The following SMIM13 variants were observed in gnomAD, a reference collection of about 807,000 sequenced individuals.
SMIM13 encodes the protein small integral membrane protein 13.
SMIM13 carries 3 observed loss-of-function variants against 5.9 expected under a neutral mutation model. That is an observed-to-expected ratio of 0.51 (90% CI 0.23 to 1.31). SMIM13 has a LOEUF of 1.31. SMIM13 is among the 40% of genes most tolerant of loss of function. SMIM13 has a pLI of 0.18. For missense variants in SMIM13, 85 were observed against 109.9 expected, an observed-to-expected ratio of 0.77 and a Z score of 1.01; for synonymous variants, 55 against 46.0, an observed-to-expected ratio of 1.19 and a Z score of -0.79.
chr6:11,105,123 C>T lies in SMIM13; in HGVS notation c.76+10734C>T. 1.2e-6 allele frequency: 2 copies of T among 1,614,198 alleles called. No individual in the cohort carries two copies. The highest frequency in any genetic ancestry group is 8.5e-7 in the Non-Finnish European group (1 of 1,180,032). On this transcript the variant is annotated intron_variant, in intron 1 of 1. Coordinates refer to ENST00000416247, the MANE Select transcript of SMIM13 (RefSeq NM_001135575.2). ...TTCCGCCTCTATGCTTGTCCATTCT[C>T]TGGGCGAGGCTGGATAAGCTGTCCC...
chr6:11,118,385 T>C (rs1758268260), intron 1 of SMIM13, among the ~76,000 whole-genome samples: 1 of 152,298 alleles, frequency 6.6e-6, no homozygotes, highest in South Asian at 2.1e-4. Context: ...AATGAATCAA[T>C]TGGTCAAATT....
At chr6:11,134,045 A>C (rs1287772298) in intron 1 of SMIM13, among the ~76,000 whole-genome samples, 1 of 152,114 alleles carries the variant, frequency 6.6e-6, no homozygotes, top group Non-Finnish European at 1.5e-5. Flanking sequence ...CCGAGATATG[A>C]AAGTCCAAGT....
chr6:11,117,244 A>G (rs1202977038), intron 1 of SMIM13, among the ~76,000 whole-genome samples: 2 of 145,368 alleles, frequency 1.4e-5, no homozygotes, highest in East Asian at 3.9e-4. Flanking sequence ...GCTCACTGCA[A>G]GCTCTGCCTC....
chr6:11,128,061 C>T (rs963843977), intron 1 of SMIM13, among the ~76,000 whole-genome samples: 10 of 152,250 alleles, frequency 6.6e-5, no homozygotes, highest in Admixed American at 6.5e-4. Context: ...TCTCTTTACT[C>T]TTTTCTCTCC....
intron 1 of SMIM13, chr6:11,103,754 C>T (rs756385693): frequency 6.4e-7 from 1 of 1,551,494 alleles, no homozygotes; most frequent in Admixed American, 2.0e-5. Context: ...TCGTCTGGAG[C>T]TTTATGGCCT....
At chr6:11,102,870 T>G (rs61185321) in intron 1 of SMIM13, 32,841 of 152,140 alleles carry the variant, frequency 0.22, 3,897 homozygotes, top group African/African-American at 0.31. Context: ...GCAAGTTTTA[T>G]AGCAGGAGTA....
At chr6:11,132,551 C>T (rs1315686590) in intron 1 of SMIM13, among the ~76,000 whole-genome samples, 5 of 152,080 alleles carry the variant, frequency 3.3e-5, no homozygotes, top group Non-Finnish European at 7.4e-5. Flanking sequence ...AATCCTTAAA[C>T]AGAATGTAAT....
At chr6:11,126,269 C>CA (rs1462592896) in intron 1 of SMIM13, among the ~76,000 whole-genome samples, 1 of 152,172 alleles carries the variant, frequency 6.6e-6, no homozygotes, top group Non-Finnish European at 1.5e-5. Flanking sequence ...AGGCTGGTCT[C>CA]AAACTCCTGA....
chr6:11,130,804 T>TA (rs1758443051), intron 1 of SMIM13, among the ~76,000 whole-genome samples: 2 of 152,178 alleles, frequency 1.3e-5, no homozygotes, highest in Non-Finnish European at 1.5e-5. Flanking sequence ...CTGAGAGACT[T>TA]ACTCTTTCTT....
chr6:11,127,666 A>G (rs1758394732), intron 1 of SMIM13, among the ~76,000 whole-genome samples: 1 of 152,180 alleles, frequency 6.6e-6, no homozygotes. Context: ...CTCTGATAAA[A>G]CCATCAGATC....
chr6:11,134,536 A>G lies in SMIM13; in HGVS notation c.210A>G (p.Pro70=). The G allele has an allele frequency of 6.4e-7, 1 of 1,550,920 alleles. No homozygotes were observed. The highest frequency in any genetic ancestry group is 8.7e-7 in the Non-Finnish European group (1 of 1,146,488). Residue 70 remains proline (P), a synonymous_variant, in exon 2 of 2, where the codon CCA becomes CCG. Transcript: ENST00000416247. Reference sequence around the variant, plus strand: ...CTGAAGAAGACACTTCCTCCTCTCCACACAGAATCAGATCCGCTCGCCAAA... The same window carrying G: ...CTGAAGAAGACACTTCCTCCTCTCCGCACAGAATCAGATCCGCTCGCCAAA... ...SETEEDTSSS[P]HRIRSARQRR...
chr6:11,123,269 A>C (rs1030027374), intron 1 of SMIM13, among the ~76,000 whole-genome samples: 9 of 152,206 alleles, frequency 5.9e-5, no homozygotes, highest in Admixed American at 2.0e-4. Context: ...GATAATGCTG[A>C]GCAAATGACC....
intron 1 of SMIM13, chr6:11,102,641 G>A (rs893871258): frequency 6.6e-6 from 1 of 152,252 alleles, no homozygotes; most frequent in African/African-American, 2.4e-5. Flanking sequence ...GGTTAAAGTT[G>A]AAAGGACCTA....
At chr6:11,127,721 G>A (rs970644649) in intron 1 of SMIM13, among the ~76,000 whole-genome samples, 1 of 152,158 alleles carries the variant, frequency 6.6e-6, no homozygotes, top group Non-Finnish European at 1.5e-5. Flanking sequence ...GGGGGAAACT[G>A]CTCCCCATGA....
rs958263412 is a variant in SMIM13 at position 11,136,078 on chromosome 6, C to T, written c.*1476C>T. ...AGTAACTTAGGAATCTAAGAACTAT[C>T]TTCTACTTTAGGAAGAGTGGGATTA... On this transcript the variant is annotated 3_prime_UTR_variant, in exon 2 of 2. Coordinates refer to ENST00000416247, the MANE Select transcript of SMIM13 (RefSeq NM_001135575.2). 2.0e-5 allele frequency: 3 copies of T among 152,262 alleles called. No individual in the cohort carries two copies. Among genetic ancestry groups the T allele is most frequent in the East Asian group, 1.9e-4 (1 of 5,168 alleles). The allele number at this position is 152,262 out of a possible 1,614,324, so 9.4% of individuals were successfully genotyped here.
chr6:11,134,341 C>T, intron 1 of SMIM13, 62 bp from the exon 2 acceptor site: 1 of 1,249,282 alleles, frequency 8.0e-7, no homozygotes, highest in Non-Finnish European at 1.1e-6. Flanking sequence ...TTAACTGTAA[C>T]ATTCTGAATT....
chr6:11,129,624 T>G (rs954751029), intron 1 of SMIM13, among the ~76,000 whole-genome samples: 2 of 152,214 alleles, frequency 1.3e-5, no homozygotes, highest in East Asian at 3.8e-4. Context: ...GGTGGCTGTG[T>G]CAAAAATCAG....
intron 1 of SMIM13, chr6:11,105,313 T>A: frequency 6.2e-7 from 1 of 1,607,716 alleles, no homozygotes; most frequent in Non-Finnish European, 8.5e-7. Context: ...AGGCCCATGG[T>A]GACCTAAGAG....
chr6:11,105,412 GTA>G (rs1373200585), intron 1 of SMIM13: 1 of 847,988 alleles, frequency 1.2e-6, no homozygotes, highest in African/African-American at 1.7e-5. Context: ...GCAATTGCCA[GTA>G]AAATTTCTAG....
Sources: allele counts gnomAD v4.1 joint callset (sites outside exome capture counted in the v4.1 genomes callset), GRCh38; gene constraint gnomAD v4.1.1; transcripts MANE v1.5; gene names NCBI Gene and HGNC (gene_info 2026-07-23, HGNC 2026-07-21).